Variants in SLC28A1 observed in about 807,000 individuals in gnomAD.
The protein encoded by SLC28A1 is solute carrier family 28 member 1.
Under a neutral mutation model 74.8 loss-of-function variants are expected in SLC28A1, and 64 were observed. The ratio of observed to expected loss-of-function variants is 0.86; its 90% confidence interval spans 0.70 to 1.05. The LOEUF is 1.05. Among genes scored for constraint, SLC28A1 ranks in the 50% least tolerant of loss-of-function variants. The probability of loss-of-function intolerance (pLI) is 0.00; values close to 1 mark genes in which losing one functional copy is unlikely to be tolerated. For synonymous variants in SLC28A1, 359 were observed against 335.0 expected (o/e 1.07, Z -0.78); for missense variants, 828 against 822.8 (o/e 1.01, Z -0.08).
intron 9 of SLC28A1, among the ~76,000 whole-genome samples, chr15:84,909,807 C>T (rs80130805): frequency 0.063 from 9,629 of 152,298 alleles, 382 homozygotes; most frequent in East Asian, 0.11. Context: ...CACTCTGGTA[C>T]ATCCGGGACC....
At chr15:84,886,576 G>T in intron 1 of SLC28A1, 96 bp from the exon 2 acceptor site, 1 of 985,528 alleles carries the variant, frequency 1.0e-6, no homozygotes, top group Non-Finnish European at 1.2e-6. Context: ...AGACCGTGTT[G>T]GGGTCCCCAC....
the SLC28A1 span, among the ~76,000 whole-genome samples, chr15:84,975,263 G>C: frequency 1.3e-5 from 2 of 152,178 alleles, no homozygotes; most frequent in Non-Finnish European, 2.9e-5. Context: ...CCACTTTAAA[G>C]AACTGTTTCG....
Position 84,890,427 on chromosome 15 carries a change from C to CA in SLC28A1, c.186-16_186-15insA. On this transcript the variant is annotated splice_polypyrimidine_tract_variant and intron_variant, in intron 4 of 18. Transcript: ENST00000394573. Reference sequence around the variant, plus strand: ...TCTGCTCATGCACTCATGGACCCTGCTGGTCTTGTTCCCAGGAGGAACCTG... The same window carrying CA: ...TCTGCTCATGCACTCATGGACCCTGCATGGTCTTGTTCCCAGGAGGAACCTG... The CA allele has an allele frequency of 1.3e-6, 2 of 1,592,982 alleles. No homozygotes were observed. Among genetic ancestry groups the CA allele is most frequent in the Non-Finnish European group, 1.7e-6 (2 of 1,167,768 alleles).
chr15:84,924,962 G>A (rs914349891), intron 12 of SLC28A1, among the ~76,000 whole-genome samples: 16 of 148,624 alleles, frequency 1.1e-4, no homozygotes, highest in Admixed American at 3.4e-4. Context: ...GTGCAGTGGC[G>A]CAATCTTGGC....
chr15:84,892,593 G>A (rs1330674669), intron 5 of SLC28A1, among the ~76,000 whole-genome samples: 1 of 152,196 alleles, frequency 6.6e-6, no homozygotes, highest in East Asian at 1.9e-4. Flanking sequence ...CCTTGCAATG[G>A]TCAGCAGTGA....
In SLC28A1 at chr15:84,935,067, C is replaced by T. The variant is rs1456428578; in HGVS notation, c.1256C>T (p.Ala419Val). The change falls in exon 14 of 19, where the codon GCC becomes GTC. Residue 419 changes from alanine to valine, a missense_variant. Coordinates refer to ENST00000394573, the MANE Select transcript of SLC28A1 (RefSeq NM_004213.5). ...ATAGAAGCAGCCAGCACTGGGGCCGCCATCTCCGTGAAGGTGGTCGCCAAC... is the reference window on the plus strand; with the variant it reads ...ATAGAAGCAGCCAGCACTGGGGCCGTCATCTCCGTGAAGGTGGTCGCCAAC... ...NLIEAASTGAAISVKVVANIA... is the reference protein window; with the variant it reads ...NLIEAASTGAVISVKVVANIA... The T allele has an allele frequency of 3.7e-6, 6 of 1,614,016 alleles. No individual in the cohort carries two copies. Among genetic ancestry groups the T allele is most frequent in the Non-Finnish European group, 5.1e-6 (6 of 1,179,970 alleles).
the SLC28A1 span, among the ~76,000 whole-genome samples, chr15:84,958,862 G>A: frequency 6.6e-6 from 1 of 151,934 alleles, no homozygotes; most frequent in East Asian, 1.9e-4. Flanking sequence ...CACTTTGAGA[G>A]GCTAAGGTGG....
the SLC28A1 span, among the ~76,000 whole-genome samples, chr15:84,968,513 C>A: frequency 3.3e-5 from 5 of 152,220 alleles, no homozygotes; most frequent in African/African-American, 9.7e-5. Context: ...CAATGGGTGA[C>A]CCAAGGGAGA....
At chr15:84,886,544 G>A (rs1321994222) in intron 1 of SLC28A1, 128 bp from the exon 2 acceptor site, 1 of 985,628 alleles carries the variant, frequency 1.0e-6, no homozygotes, top group Non-Finnish European at 1.2e-6. Context: ...GGTTGCAAGT[G>A]GGCCTGCTTC....
chr15:84,956,468 C>CTTTCTTTCTTTCCTTCTTTCT, the SLC28A1 span, among the ~76,000 whole-genome samples: 1 of 67,126 alleles, frequency 1.5e-5, no homozygotes, highest in African/African-American at 4.4e-5. Flanking sequence ...TCTTTCTTTC[C>CTTTCTTTCTTTCCTTCTTTCT]TTCTTTCTTT....
intron 16 of SLC28A1, among the ~76,000 whole-genome samples, chr15:84,943,789 C>A (rs1024655360): frequency 3.3e-5 from 5 of 151,818 alleles, no homozygotes; most frequent in Admixed American, 3.3e-4. Flanking sequence ...ATTAGCCAGG[C>A]GTGGTGGTGC....
At chr15:84,905,023 C>T (rs1966887467) in intron 7 of SLC28A1, among the ~76,000 whole-genome samples, 1 of 152,214 alleles carries the variant, frequency 6.6e-6, no homozygotes, top group African/African-American at 2.4e-5. Context: ...TTATTAAATG[C>T]TCATCAAGGA....
chr15:84,945,625 G>C lies in SLC28A1; in HGVS notation c.*425G>C, dbSNP rs946642398. On this transcript the variant is annotated 3_prime_UTR_variant, in exon 19 of 19. Transcript: ENST00000394573. ...CTAGGATCTCTCTGTGGCTTCCCCTGCTGGGTGGTGTCACCTCTTTCTCTG... is the reference window on the plus strand; with the variant it reads ...CTAGGATCTCTCTGTGGCTTCCCCTCCTGGGTGGTGTCACCTCTTTCTCTG... The C allele has an allele frequency of 1.9e-5, 5 of 269,082 alleles. No homozygotes were observed. Among genetic ancestry groups the C allele is most frequent in the African/African-American group, 1.1e-4 (5 of 45,558 alleles). 16.7% of individuals were successfully genotyped at this position (269,082 alleles called of 1,614,324 possible).
At chr15:84,937,024 G>A (rs2142020598) in intron 15 of SLC28A1, among the ~76,000 whole-genome samples, 1 of 149,456 alleles carries the variant, frequency 6.7e-6, no homozygotes, top group African/African-American at 2.5e-5. Context: ...CTGCACTCCA[G>A]CCTGGGCAAC....
intron 6 of SLC28A1, among the ~76,000 whole-genome samples, chr15:84,903,771 C>T (rs1193918889): frequency 6.6e-6 from 1 of 152,162 alleles, no homozygotes; most frequent in Non-Finnish European, 1.5e-5. Flanking sequence ...CTGGATGGAG[C>T]CAGGTGCTTG....
intron 6 of SLC28A1, chr15:84,895,622 G>C: frequency 2.0e-6 from 3 of 1,476,100 alleles, no homozygotes. Flanking sequence ...GGAAATCTCA[G>C]CGATGTCACA....
At chr15:84,903,057 A>C (rs1340296321) in intron 6 of SLC28A1, among the ~76,000 whole-genome samples, 1 of 152,324 alleles carries the variant, frequency 6.6e-6, no homozygotes, top group East Asian at 1.9e-4. Flanking sequence ...AAGTCAGTTA[A>C]CCTCAAGAGA....
intron 6 of SLC28A1, among the ~76,000 whole-genome samples, chr15:84,901,344 T>C (rs1966667184): frequency 6.6e-6 from 1 of 151,960 alleles, no homozygotes; most frequent in Admixed American, 6.6e-5. Flanking sequence ...CCATCTCTAC[T>C]AAAAATACAA....
chr15:84,963,700 G>A, the SLC28A1 span, among the ~76,000 whole-genome samples: 128 of 152,310 alleles, frequency 8.4e-4, 1 homozygote, highest in African/African-American at 3.0e-3. Flanking sequence ...GATGAGACCT[G>A]GACAGCAGCT....
Sources: gnomAD v4.1 joint callset for allele counts (sites outside exome capture counted in the v4.1 genomes callset) on GRCh38, gnomAD v4.1.1 for gene constraint, MANE v1.5 for transcripts, NCBI Gene and HGNC (gene_info 2026-07-23, HGNC 2026-07-21) for gene names.